Variants in GAS2 observed in about 807,000 individuals in gnomAD.
GAS2 encodes the protein growth arrest-specific protein 2.
A neutral mutation model predicts 37.5 loss-of-function variants in GAS2; 20 were observed. That is an observed-to-expected ratio of 0.53 (90% CI 0.37 to 0.77). The LOEUF is 0.77. GAS2 is among the 30% of genes least tolerant of loss of function. The pLI, the probability that GAS2 is intolerant of heterozygous loss-of-function variation, is 0.00. For synonymous variants in GAS2, 144 were observed against 132.2 expected (o/e 1.09, Z -0.61); for missense variants, 336 against 373.4 (o/e 0.90, Z 0.82).
chr11:22,688,285 T>G (rs1361000033), intron 3 of GAS2: 1 of 152,168 alleles, frequency 6.6e-6, no homozygotes, highest in East Asian at 1.9e-4. Context: ...TCTCTTTTCC[T>G]TACGTGAAAG....
chr11:22,714,735 T>A (rs1851578941), intron 3 of GAS2, among the ~76,000 whole-genome samples: 1 of 152,110 alleles, frequency 6.6e-6, no homozygotes, highest in Admixed American at 6.6e-5. Context: ...TACAAATACA[T>A]GGAAATTAAA....
intron 2 of GAS2, among the ~76,000 whole-genome samples, chr11:22,676,749 G>C (rs1467004186): frequency 7.0e-6 from 1 of 143,536 alleles, no homozygotes; most frequent in East Asian, 2.1e-4. Flanking sequence ...AAACATTTGA[G>C]TGTGAAGCAG....
chr11:22,737,728 G>A lies in GAS2; in HGVS notation c.433G>A (p.Val145Met), dbSNP rs1852830314. Reference sequence around the variant, plus strand: ...AGTCCTCCACAAGCAACCCAGAGAAGTGTGTCTCTGTCTGCTAGAGCTTGG... The same window carrying A: ...AGTCCTCCACAAGCAACCCAGAGAAATGTGTCTCTGTCTGCTAGAGCTTGG... ...GLVLHKQPRE[V>M]CLCLLELGRI... Residue 145 changes from valine (V) to methionine (M), a missense_variant, in exon 5 of 8, where the codon GTG becomes ATG. By Grantham distance (21) the Val-to-Met change is conservative. Coordinates refer to ENST00000454584, the MANE Select transcript of GAS2 (RefSeq NM_001143830.3). The A allele has an allele frequency of 5.0e-6, 8 of 1,614,156 alleles. No individual in the cohort carries two copies. The highest frequency in any genetic ancestry group is 5.9e-6 in the Non-Finnish European group (7 of 1,179,974).
At chr11:22,739,572 C>CAAAAAA (rs71037525) in intron 5 of GAS2, among the ~76,000 whole-genome samples, 35 of 64,656 alleles carry the variant, frequency 5.4e-4, no homozygotes, top group African/African-American at 8.3e-4. Context: ...GATTCGCTCT[C>CAAAAAA]AAAAAAAAAA....
At position 22,649,723 on chromosome 11, in the gene GAS2, C is replaced by T. The variant is rs961273180; in HGVS notation, c.-21+23910C>T. 5.2e-3 allele frequency among the ~76,000 whole-genome samples: 797 copies of T among 152,250 alleles called. 10 individuals are homozygous for T. The highest frequency in any genetic ancestry group is 0.018 in the African/African-American group (764 of 41,526). ...TTTGCATAGAGGTGTTTGTAGTATT[C>T]TCTGACGGTAGTTTGTATTTCTGTG... On this transcript the variant is annotated intron_variant, in intron 1 of 5. Transcript: ENST00000528582.
At position 22,660,408 on chromosome 11, in the gene GAS2, C is replaced by T. The variant is rs541720235; in HGVS notation, c.-20-14442C>T. 4.4e-4 allele frequency among the ~76,000 whole-genome samples: 67 copies of T among 152,226 alleles called. 1 individual carries two copies. Among genetic ancestry groups the T allele is most frequent in the African/African-American group, 1.6e-3 (65 of 41,536 alleles). On this transcript the variant is annotated intron_variant, in intron 1 of 5. Coordinates refer to the GAS2 transcript ENST00000528582. ...TAGGTACTCACTTAACAATAACATA[C>T]CTAACATTCATTTAAAACTTGCTAT...
intron 5 of GAS2, among the ~76,000 whole-genome samples, chr11:22,746,368 C>A (rs1296381111): frequency 1.3e-5 from 2 of 152,024 alleles, no homozygotes; most frequent in Non-Finnish European, 2.9e-5. Context: ...GGTATATACC[C>A]AAAGGAAAAT....
intron 3 of GAS2, 35 bp from the exon 4 acceptor site, chr11:22,726,257 A>G: frequency 6.3e-7 from 1 of 1,576,058 alleles, no homozygotes; most frequent in Non-Finnish European, 8.6e-7. Context: ...TAACTTTGAC[A>G]GATTTCTCCT....
chr11:22,770,723 T>C (rs950329990), intron 7 of GAS2, among the ~76,000 whole-genome samples: 3 of 152,214 alleles, frequency 2.0e-5, no homozygotes, highest in Admixed American at 2.0e-4. Flanking sequence ...TATATATGTC[T>C]CAAATATCAT....
At chr11:22,646,173 C>A (rs1252794319) in intron 1 of GAS2, among the ~76,000 whole-genome samples, 1 of 152,060 alleles carries the variant, frequency 6.6e-6, no homozygotes, top group East Asian at 1.9e-4. Flanking sequence ...TTCTGCTCAA[C>A]CAGGAGAATA....
intron 2 of GAS2, among the ~76,000 whole-genome samples, chr11:22,679,915 T>G (rs1209334543): frequency 6.6e-6 from 1 of 152,192 alleles, no homozygotes; most frequent in East Asian, 1.9e-4. Flanking sequence ...ATGGTAATTT[T>G]CCCTTTCTTT....
intron 7 of GAS2, among the ~76,000 whole-genome samples, chr11:22,762,689 T>C (rs1854462167): frequency 6.6e-6 from 1 of 152,160 alleles, no homozygotes; most frequent in Non-Finnish European, 1.5e-5. Flanking sequence ...TATAAAGATA[T>C]ATATTTGCCT....
chr11:22,673,138 T>G lies in GAS2; in HGVS notation c.-20-1712T>G, dbSNP rs769211113. Among the ~76,000 whole-genome samples, 17 of 152,148 alleles carry G rather than the reference T, an allele frequency of 1.1e-4. 1 individual carries two copies. Among genetic ancestry groups the G allele is most frequent in the Non-Finnish European group, 2.5e-4 (17 of 68,010 alleles). ...TTAAATACTATATTTATGATACCTT[T>G]TAGGTACTTACTCATACTCCCAACA... is the stretch of plus-strand genomic sequence containing the variant. On this transcript the variant is annotated intron_variant, in intron 1 of 7. Coordinates refer to ENST00000454584, the MANE Select transcript of GAS2 (RefSeq NM_001143830.3).
chr11:22,692,609 G>A (rs1850300073), intron 3 of GAS2, among the ~76,000 whole-genome samples: 1 of 152,138 alleles, frequency 6.6e-6, no homozygotes, highest in South Asian at 2.1e-4. Context: ...CCTTTCCAAA[G>A]GAAGCAGTCA....
At chr11:22,764,440 G>GT (rs1333597773) in intron 7 of GAS2, among the ~76,000 whole-genome samples, 4 of 151,652 alleles carry the variant, frequency 2.6e-5, no homozygotes, top group African/African-American at 9.7e-5. Context: ...GGCGACTGTA[G>GT]TCCCCGCTAC....
chr11:22,651,944 T>G (rs1041940694), intron 1 of GAS2, among the ~76,000 whole-genome samples: 36 of 152,160 alleles, frequency 2.4e-4, no homozygotes, highest in Non-Finnish European at 5.9e-5. Context: ...CCATCCAGCT[T>G]TGTTCTGTTG....
chr11:22,657,263 G>T (rs916477346), intron 1 of GAS2, among the ~76,000 whole-genome samples: 2 of 152,198 alleles, frequency 1.3e-5, no homozygotes, highest in Non-Finnish European at 1.5e-5. Flanking sequence ...GCCACACAGG[G>T]GTTGGGCCCT....
intron 1 of GAS2, among the ~76,000 whole-genome samples, chr11:22,633,129 T>C (rs1027852731): frequency 1.3e-4 from 20 of 152,334 alleles, no homozygotes; most frequent in Admixed American, 1.0e-3. Flanking sequence ...TATAGAATCA[T>C]GTTTTTACAT....
chr11:22,715,145 C>A (rs111575019), intron 3 of GAS2, among the ~76,000 whole-genome samples: 26 of 152,142 alleles, frequency 1.7e-4, no homozygotes, highest in Admixed American at 1.4e-3. Flanking sequence ...AGAAGAGATA[C>A]GTTCCAAATA....
Sources: gnomAD v4.1 joint callset for allele counts (sites outside exome capture counted in the v4.1 genomes callset) on GRCh38, gnomAD v4.1.1 for gene constraint, MANE v1.5 for transcripts, NCBI Gene and HGNC (gene_info 2026-07-23, HGNC 2026-07-21) for gene names.